The following CERKL variants were observed in gnomAD, a reference collection of about 807,000 sequenced individuals.
CERKL encodes the protein CERK like autophagy regulator.
A neutral mutation model predicts 63.4 loss-of-function variants in CERKL; 61 were observed. The observed-to-expected ratio is 0.96, with a 90% CI of 0.78 to 1.19. CERKL has a LOEUF of 1.19. Ranked by LOEUF, CERKL falls within the 50% of genes most tolerant of loss-of-function variation. The pLI is 0.00. For synonymous variants in CERKL, 250 were observed against 230.5 expected, an observed-to-expected ratio of 1.08 and a Z score of -0.77; for missense variants, 675 against 655.5, an observed-to-expected ratio of 1.03 and a Z score of -0.33.
At chr2:181,594,281 G>C (rs1328730601) in intron 2 of CERKL, among the ~76,000 whole-genome samples, 1 of 152,164 alleles carries the variant, frequency 6.6e-6, no homozygotes, top group Non-Finnish European at 1.5e-5. Flanking sequence ...TCCCCTTTGT[G>C]AGCCCACAGT....
intron 1 of CERKL, among the ~76,000 whole-genome samples, chr2:181,652,045 G>T (rs1687961578): frequency 6.6e-6 from 1 of 152,080 alleles, no homozygotes; most frequent in Non-Finnish European, 1.5e-5. Context: ...TTCATGGATT[G>T]AAATAATTAT....
Position 181,645,672 on chromosome 2 carries a change from G to A in CERKL, c.238+11097C>T, listed in dbSNP as rs556499092. 9.8e-5 allele frequency among the ~76,000 whole-genome samples: 15 copies of A among 152,354 alleles called. No individual in the cohort carries two copies. In the South Asian group the frequency reaches 2.9e-3, roughly 29 times the overall value. The stretch of plus-strand genomic sequence containing the variant: ...CATAGTCTCTCTGAATCCAGGTTCA[G>A]GCACCTGCTCTTTCACTATGCCCTT... On this transcript the variant is annotated intron_variant, in intron 1 of 12. Coordinates refer to ENST00000410087, the MANE Select transcript of CERKL (RefSeq NM_201548.5).
intron 4 of CERKL, among the ~76,000 whole-genome samples, chr2:181,559,731 A>G (rs1286047444): frequency 6.6e-6 from 1 of 152,228 alleles, no homozygotes; most frequent in Non-Finnish European, 1.5e-5. Flanking sequence ...GGCCACAGTC[A>G]GCAGTAGTTA....
chr2:181,578,257 T>A (rs7609413), intron 2 of CERKL, among the ~76,000 whole-genome samples: 5 of 63,560 alleles, frequency 7.9e-5, no homozygotes, highest in Non-Finnish European at 1.3e-4. Flanking sequence ...TATATGTGTG[T>A]GGGGGGGTAT....
intron 3 of CERKL, among the ~76,000 whole-genome samples, chr2:181,570,318 C>A (rs537097307): frequency 1.3e-5 from 2 of 152,242 alleles, no homozygotes; most frequent in South Asian, 4.1e-4. Flanking sequence ...AACCATATGG[C>A]CTCGAAAGTT....
chr2:181,598,191 C>A (rs1055224104), intron 2 of CERKL, among the ~76,000 whole-genome samples: 1 of 152,146 alleles, frequency 6.6e-6, no homozygotes, highest in African/African-American at 2.4e-5. Flanking sequence ...GCCCAACTCC[C>A]CATCCCTACA....
intron 3 of CERKL, among the ~76,000 whole-genome samples, chr2:181,569,889 T>A (rs1242658745): frequency 6.6e-6 from 1 of 152,160 alleles, no homozygotes; most frequent in Non-Finnish European, 1.5e-5. Flanking sequence ...GAATGTCAGC[T>A]GACAAGTTCT....
intron 6 of CERKL, among the ~76,000 whole-genome samples, chr2:181,549,394 T>C (rs560516953): frequency 1.3e-5 from 2 of 152,082 alleles, no homozygotes; most frequent in East Asian, 3.9e-4. Flanking sequence ...CACTACAATA[T>C]TTTTTTTCTG....
At chr2:181,585,844 A>G (rs1684740389) in intron 2 of CERKL, among the ~76,000 whole-genome samples, 1 of 152,188 alleles carries the variant, frequency 6.6e-6, no homozygotes, top group Non-Finnish European at 1.5e-5. Context: ...GTGGACCTGA[A>G]AGCAGCAGCC....
At chr2:181,603,064 G>A in intron 2 of CERKL, 2 of 220,800 alleles carry the variant, frequency 9.1e-6, no homozygotes, top group Non-Finnish European at 2.0e-5. Flanking sequence ...AATTCATTAA[G>A]AGATATATCC....
intron 2 of CERKL, among the ~76,000 whole-genome samples, chr2:181,575,118 T>C (rs542900662): frequency 6.6e-6 from 1 of 151,106 alleles, no homozygotes; most frequent in South Asian, 2.1e-4. Context: ...TTCCATGCCT[T>C]CTCCCTTCTC....
intron 1 of CERKL, among the ~76,000 whole-genome samples, chr2:181,655,662 T>C (rs372101986): frequency 2.6e-4 from 40 of 152,350 alleles, no homozygotes; most frequent in African/African-American, 9.4e-4. Flanking sequence ...TGTTAGACTT[T>C]TGAGCAAGAC....
rs761217466 is a variant in CERKL, at chr2:181,544,741, A to C, written c.1324T>G (p.Phe442Val). Residue 442 changes from phenylalanine (F) to valine (V), a missense_variant, in exon 11 of 13, where the codon TTT becomes GTT. Physicochemically the swap from Phe to Val is conservative, Grantham distance 50. Transcript: ENST00000410087. ...GCATATCTTTTCAGGTGTTTTATAAATTCTGGCCGAGAAGTGTTTCGGGCA... is the reference window on the plus strand; with the variant it reads ...GCATATCTTTTCAGGTGTTTTATAACTTCTGGCCGAGAAGTGTTTCGGGCA... ...IIARNTSRPE[F>V]IKHLKRYASV... 1.2e-6 allele frequency: 2 copies of C among 1,609,280 alleles called. No individual in the cohort carries two copies. The highest frequency in any genetic ancestry group is 2.2e-5 in the South Asian group (2 of 90,220).
chr2:181,607,601 T>C (rs1331286127), intron 1 of CERKL, among the ~76,000 whole-genome samples: 1 of 152,182 alleles, frequency 6.6e-6, no homozygotes, highest in Non-Finnish European at 1.5e-5. Context: ...CAGCAAATCA[T>C]TGGTGGTACA....
intron 4 of CERKL, chr2:181,565,315 C>G: frequency 1.4e-6 from 1 of 739,774 alleles, no homozygotes; most frequent in East Asian, 2.6e-5. Flanking sequence ...TATCTACTCA[C>G]GTAAAAAGAA....
At position 181,610,949 on chromosome 2, in the gene CERKL, C is replaced by T. The variant is rs1685943231; in HGVS notation, c.239-6870G>A. ...TAAAATAATACTTATCCAGGCCAGACGTGGTGGCTCACGGCCTGTAATCCC... is the reference window on the plus strand; with the variant it reads ...TAAAATAATACTTATCCAGGCCAGATGTGGTGGCTCACGGCCTGTAATCCC... On this transcript the variant is annotated intron_variant, in intron 1 of 12. Transcript: ENST00000410087. 2.0e-5 allele frequency among the ~76,000 whole-genome samples: 3 copies of T among 152,070 alleles called. No homozygotes were observed. In the South Asian group the frequency reaches 6.2e-4, roughly 32 times the overall value.
At chr2:181,574,377 AGGGATG>A (rs1477098111) in intron 2 of CERKL, among the ~76,000 whole-genome samples, 2 of 152,212 alleles carry the variant, frequency 1.3e-5, no homozygotes, top group East Asian at 3.9e-4. Flanking sequence ...CAGAGGAAGC[AGGGATG>A]GGTCAGTGTC....
chr2:181,637,150 A>C (rs972935404), intron 1 of CERKL, among the ~76,000 whole-genome samples: 2 of 152,182 alleles, frequency 1.3e-5, no homozygotes, highest in Admixed American at 6.6e-5. Context: ...CTTCTGGAGA[A>C]ATTTTCAGGA....
chr2:181,656,932 A>C lies in CERKL; in HGVS notation c.75T>G (p.Ala25=). Residue 25 remains alanine (A), a synonymous_variant, in exon 1 of 13, where the codon GCT becomes GCG. Transcript: ENST00000410087. Reference sequence around the variant, plus strand: ...TTAACAGCGCCGGAGGCACAGCGGCAGCCTCCGGGGGCGCCTCTTCCTCCC... The same window carrying C: ...TTAACAGCGCCGGAGGCACAGCGGCCGCCTCCGGGGGCGCCTCTTCCTCCC... ...GGREEEAPPE[A]AAVPPALLTS... 6.3e-7 allele frequency: 1 copy of C among 1,591,790 alleles called. No homozygotes were observed. The highest frequency in any genetic ancestry group is 8.6e-7 in the Non-Finnish European group (1 of 1,167,906).
Sources: gnomAD v4.1 joint callset for allele counts (sites outside exome capture counted in the v4.1 genomes callset) on GRCh38, gnomAD v4.1.1 for gene constraint, MANE v1.5 for transcripts, NCBI Gene and HGNC (gene_info 2026-07-23, HGNC 2026-07-21) for gene names.